Variants in SGCZ observed in about 807,000 individuals in gnomAD.
SGCZ encodes the protein zeta-sarcoglycan.
SGCZ carries 40 observed loss-of-function variants against 41.3 expected under a neutral mutation model. That is an observed-to-expected ratio of 0.97 (90% CI 0.75 to 1.26). The LOEUF (loss-of-function observed/expected upper bound fraction) is 1.26. Among genes scored for constraint, SGCZ ranks in the 50% most tolerant of loss-of-function variants. The probability of loss-of-function intolerance (pLI) is 0.00; values close to 1 mark genes in which losing one functional copy is unlikely to be tolerated. For missense variants in SGCZ, 552 were observed against 369.8 expected, an observed-to-expected ratio of 1.49 and a Z score of -4.04; for synonymous variants, 206 against 137.5, an observed-to-expected ratio of 1.50 and a Z score of -3.49.
At chr8:14,817,647 C>T (rs1382547004) in intron 1 of SGCZ, among the ~76,000 whole-genome samples, 1 of 152,202 alleles carries the variant, frequency 6.6e-6, no homozygotes, top group African/African-American at 2.4e-5. Context: ...GATGGAATTA[C>T]CAAGATCTCA....
At chr8:14,209,057 G>T (rs949286457) in intron 4 of SGCZ, among the ~76,000 whole-genome samples, 10 of 152,180 alleles carry the variant, frequency 6.6e-5, no homozygotes, top group Non-Finnish European at 1.0e-4. Flanking sequence ...TGTTCAAAAT[G>T]ACGCCTCCAT....
intron 1 of SGCZ, among the ~76,000 whole-genome samples, chr8:14,666,684 CAAAA>C (rs34262206): frequency 1.9e-5 from 2 of 107,458 alleles, no homozygotes; most frequent in Non-Finnish European, 2.0e-5. Flanking sequence ...GTAGAATTTG[CAAAA>C]AAAAAAAAAA....
chr8:14,776,959 A>G (rs913336579), intron 1 of SGCZ, among the ~76,000 whole-genome samples: 5 of 152,214 alleles, frequency 3.3e-5, no homozygotes, highest in African/African-American at 9.6e-5. Context: ...AATAAAATAC[A>G]ATTTCCACTT....
At chr8:15,120,231 G>C (rs903471040) in intron 1 of SGCZ, among the ~76,000 whole-genome samples, 3 of 152,276 alleles carry the variant, frequency 2.0e-5, no homozygotes, top group South Asian at 2.1e-4. Flanking sequence ...AACTCCTACA[G>C]TTTTGCTTGG....
intron 2 of SGCZ, among the ~76,000 whole-genome samples, chr8:14,549,083 A>C (rs1433023876): frequency 6.6e-6 from 1 of 152,054 alleles, no homozygotes; most frequent in Admixed American, 6.6e-5. Flanking sequence ...GCTGCCTGTT[A>C]ATTACCAGCA....
chr8:15,065,902 A>T (rs907430945), intron 1 of SGCZ, among the ~76,000 whole-genome samples: 18 of 152,226 alleles, frequency 1.2e-4, no homozygotes, highest in African/African-American at 3.4e-4. Context: ...TTTGTTTCAC[A>T]TATTTCTGTG....
chr8:15,181,841 G>A (rs771689049), intron 1 of SGCZ, among the ~76,000 whole-genome samples: 3 of 152,244 alleles, frequency 2.0e-5, no homozygotes, highest in South Asian at 2.1e-4. Context: ...TTTAGATTTA[G>A]AGGAAAAAAT....
intron 1 of SGCZ, among the ~76,000 whole-genome samples, chr8:14,843,203 G>C (rs569620892): frequency 2.6e-5 from 4 of 152,062 alleles, no homozygotes; most frequent in Admixed American, 1.3e-4. Context: ...CAAAGTGAGA[G>C]TTGGTTTTAA....
chr8:14,238,833 C>A (rs1806862931), intron 3 of SGCZ, among the ~76,000 whole-genome samples: 1 of 152,012 alleles, frequency 6.6e-6, no homozygotes, highest in Admixed American at 6.6e-5. Flanking sequence ...CTATGAAAAT[C>A]TCCTCCAATA....
chr8:14,702,978 CA>C (rs1809218127), intron 1 of SGCZ, among the ~76,000 whole-genome samples: 1 of 143,040 alleles, frequency 7.0e-6, no homozygotes, highest in Non-Finnish European at 1.5e-5. Context: ...GATAGACAGA[CA>C]GACAGACAGA....
intron 1 of SGCZ, among the ~76,000 whole-genome samples, chr8:15,176,518 A>G (rs1800005550): frequency 1.3e-5 from 2 of 152,214 alleles, no homozygotes; most frequent in Non-Finnish European, 2.9e-5. Flanking sequence ...ACTTTTAAAC[A>G]TATCAGCTTT....
chr8:14,972,317 T>G (rs1801325390), intron 1 of SGCZ, among the ~76,000 whole-genome samples: 1 of 152,190 alleles, frequency 6.6e-6, no homozygotes, highest in South Asian at 2.1e-4. Context: ...TTCTTTCATT[T>G]TTCTGATAAA....
chr8:14,443,392 A>G (rs1406097988), intron 2 of SGCZ, among the ~76,000 whole-genome samples: 2 of 152,110 alleles, frequency 1.3e-5, no homozygotes, highest in African/African-American at 2.4e-5. Flanking sequence ...GAGGCATCAC[A>G]CTACCTGACT....
At chr8:14,480,817 A>G (rs558408797) in intron 2 of SGCZ, among the ~76,000 whole-genome samples, 1 of 152,224 alleles carries the variant, frequency 6.6e-6, no homozygotes, top group East Asian at 1.9e-4. Flanking sequence ...CAAAGGTCAC[A>G]TATGTCTTTA....
intron 1 of SGCZ, among the ~76,000 whole-genome samples, chr8:15,091,153 A>G (rs1156960336): frequency 1.3e-5 from 2 of 152,196 alleles, no homozygotes; most frequent in Non-Finnish European, 2.9e-5. Context: ...TGGCCAGGAT[A>G]GATGGTAGAT....
At chr8:14,124,289 C>G (rs1013222005) in intron 5 of SGCZ, among the ~76,000 whole-genome samples, 1 of 152,002 alleles carries the variant, frequency 6.6e-6, no homozygotes, top group Admixed American at 6.6e-5. Flanking sequence ...TCTTTCTCCT[C>G]TCTCTCTCTC....
chr8:15,051,249 A>T (rs1206892140), intron 1 of SGCZ, among the ~76,000 whole-genome samples: 2 of 152,196 alleles, frequency 1.3e-5, no homozygotes, highest in African/African-American at 4.8e-5. Context: ...GGGAAAGGAC[A>T]TGGGGAGGAG....
chr8:14,369,628 A>G (rs1803841011), intron 2 of SGCZ, among the ~76,000 whole-genome samples: 1 of 152,062 alleles, frequency 6.6e-6, no homozygotes, highest in Non-Finnish European at 1.5e-5. Flanking sequence ...CTGTTTCTCA[A>G]CAAACATTAA....
At chr8:14,940,192 G>A (rs1356884042) in intron 1 of SGCZ, among the ~76,000 whole-genome samples, 1 of 151,970 alleles carries the variant, frequency 6.6e-6, no homozygotes, top group African/African-American at 2.4e-5. Flanking sequence ...TTTATACCAG[G>A]CAAGACAAAA....
Sources: allele counts gnomAD v4.1 joint callset (sites outside exome capture counted in the v4.1 genomes callset), GRCh38; gene constraint gnomAD v4.1.1; transcripts MANE v1.5; gene names NCBI Gene and HGNC (gene_info 2026-07-23, HGNC 2026-07-21).